The following SEMA3A variants were observed in gnomAD, a reference collection of about 807,000 sequenced individuals.
The protein encoded by SEMA3A is semaphorin-3A.
In SEMA3A, 29 loss-of-function variants were observed where a neutral mutation model predicts 97.9. That is an observed-to-expected ratio of 0.30 (90% CI 0.22 to 0.40). The LOEUF is 0.40. Ranked by LOEUF, SEMA3A falls within the 10% of genes least tolerant of loss-of-function variation. The probability of loss-of-function intolerance (pLI) is 1.00; values close to 1 mark genes in which losing one functional copy is unlikely to be tolerated. For synonymous variants in SEMA3A, 321 were observed against 323.7 expected (o/e 0.99, Z 0.09); for missense variants, 763 against 951.3 (o/e 0.80, Z 2.60).
In SEMA3A at chr7:84,100,278, C is replaced by T. The variant is rs187131630; in HGVS notation, c.453+10192G>A. Among the ~76,000 whole-genome samples, 30 of 152,220 alleles carry T rather than the reference C, an allele frequency of 2.0e-4. No individual in the cohort carries two copies. The South Asian group carries it at 3.7e-3, about 19-fold the overall frequency. ...TAAATCCAGGAGAAAAAAATCACTC[C>T]GACATAGTCCTCTAAACCAGAACTA... On this transcript the variant is annotated intron_variant, in intron 4 of 16. Coordinates refer to ENST00000265362, the MANE Select transcript of SEMA3A (RefSeq NM_006080.3).
chr7:84,391,945 G>A (rs1045844743), intron 1 of SEMA3A, among the ~76,000 whole-genome samples: 18 of 139,416 alleles, frequency 1.3e-4, no homozygotes, highest in Non-Finnish European at 6.3e-5. Flanking sequence ...GAGAAACAGA[G>A]TGAGACCCTG....
At chr7:84,477,935 A>G (rs149895187) in intron 1 of SEMA3A, among the ~76,000 whole-genome samples, 16 of 152,300 alleles carry the variant, frequency 1.1e-4, no homozygotes, top group African/African-American at 3.4e-4. Context: ...TCTTTTGCCA[A>G]GTCACCCTCA....
chr7:84,442,134 T>C (rs1052971612), intron 1 of SEMA3A, among the ~76,000 whole-genome samples: 2 of 152,192 alleles, frequency 1.3e-5, no homozygotes, highest in East Asian at 1.9e-4. Flanking sequence ...AACTCCACTT[T>C]TAGTTTTTGA....
chr7:84,098,184 A>C (rs2115884907), intron 4 of SEMA3A, among the ~76,000 whole-genome samples: 1 of 152,210 alleles, frequency 6.6e-6, no homozygotes, highest in African/African-American at 2.4e-5. Flanking sequence ...TTAAAATATT[A>C]CATGATCATA....
At chr7:84,122,643 T>G (rs967953483) in intron 3 of SEMA3A, among the ~76,000 whole-genome samples, 5 of 152,176 alleles carry the variant, frequency 3.3e-5, no homozygotes, top group African/African-American at 1.2e-4. Flanking sequence ...AAATAAAATT[T>G]AAAAAATTGA....
chr7:84,185,299 TG>T (rs1241614961), intron 1 of SEMA3A, among the ~76,000 whole-genome samples: 1 of 152,074 alleles, frequency 6.6e-6, no homozygotes, highest in Non-Finnish European at 1.5e-5. Flanking sequence ...CCTACAACGT[TG>T]TCTAATATAT....
At chr7:84,312,916 A>G (rs1584229665) in intron 2 of SEMA3A, among the ~76,000 whole-genome samples, 1 of 47,148 alleles carries the variant, frequency 2.1e-5, no homozygotes, top group African/African-American at 5.4e-5. Flanking sequence ...ATATATATAT[A>G]TATATACACA....
At chr7:84,062,444 G>T (rs2691701) in intron 4 of SEMA3A, among the ~76,000 whole-genome samples, 1 of 152,100 alleles carries the variant, frequency 6.6e-6, no homozygotes, top group Non-Finnish European at 1.5e-5. Context: ...GAACAGCTCC[G>T]GTCTACGGCT....
intron 1 of SEMA3A, among the ~76,000 whole-genome samples, chr7:84,422,789 G>A (rs1486423396): frequency 1.3e-5 from 2 of 152,030 alleles, no homozygotes; most frequent in Admixed American, 6.6e-5. Context: ...AGTCATTCAG[G>A]AGCAGGTTGT....
chr7:84,309,165 C>A (rs1173088269), intron 2 of SEMA3A, among the ~76,000 whole-genome samples: 1 of 151,922 alleles, frequency 6.6e-6, no homozygotes, highest in Non-Finnish European at 1.5e-5. Context: ...AGTCATCAGG[C>A]TTCATTTGGG....
In SEMA3A at chr7:84,005,595, A is replaced by G. The variant is rs1181289243; in HGVS notation, c.1141-37T>C. 6 of 1,336,562 alleles carry G rather than the reference A, an allele frequency of 4.5e-6. No homozygotes were observed. In the African/African-American group the frequency reaches 7.4e-5, roughly 16 times the overall value. The allele number at this position is 1,336,562 out of a possible 1,614,324, so 82.8% of individuals were successfully genotyped here. On this transcript the variant is annotated intron_variant, in intron 10 of 16. Coordinates refer to ENST00000265362, the MANE Select transcript of SEMA3A (RefSeq NM_006080.3). The stretch of plus-strand genomic sequence containing the variant: ...AAGAGAAAATTATCTTTTGATTAAA[A>G]TCTAATAAACATAATTATAAATTAT...
chr7:84,199,905 T>C (rs1798314038), upstream of SEMA3A, among the ~76,000 whole-genome samples: 1 of 152,118 alleles, frequency 6.6e-6, no homozygotes, highest in Non-Finnish European at 1.5e-5. Flanking sequence ...AAAAGCAATG[T>C]TTAAGAAATT....
At chr7:84,005,279 A>G (rs1385990255) in intron 11 of SEMA3A, 60 bp downstream of exon 11, 5 of 1,225,568 alleles carry the variant, frequency 4.1e-6, no homozygotes, top group Non-Finnish European at 6.0e-6. Flanking sequence ...TCAAAGATCA[A>G]CTTAATCAGT....
At chr7:84,098,073 T>C (rs1185248609) in intron 4 of SEMA3A, among the ~76,000 whole-genome samples, 1 of 152,020 alleles carries the variant, frequency 6.6e-6, no homozygotes. Flanking sequence ...GACCATCTTC[T>C]GATATTTAAT....
intron 1 of SEMA3A, among the ~76,000 whole-genome samples, chr7:84,466,740 AG>A (rs1806009446): frequency 6.6e-6 from 1 of 152,178 alleles, no homozygotes; most frequent in Non-Finnish European, 1.5e-5. Flanking sequence ...ACTTGGAAGA[AG>A]CTAGAAGTCG....
intron 15 of SEMA3A, among the ~76,000 whole-genome samples, chr7:83,972,112 A>C (rs942490578): frequency 6.6e-6 from 1 of 152,020 alleles, no homozygotes; most frequent in Non-Finnish European, 1.5e-5. Flanking sequence ...TATATATACA[A>C]ATGGTTAAAC....
intron 3 of SEMA3A, among the ~76,000 whole-genome samples, chr7:84,255,476 T>C (rs1799697531): frequency 1.3e-5 from 2 of 152,108 alleles, no homozygotes; most frequent in African/African-American, 2.4e-5. Flanking sequence ...CAACTGGAAA[T>C]GGACAGGAAC....
intron 1 of SEMA3A, among the ~76,000 whole-genome samples, chr7:84,468,248 GT>G (rs1292760966): frequency 1.3e-5 from 2 of 152,104 alleles, no homozygotes; most frequent in Non-Finnish European, 2.9e-5. Flanking sequence ...AGTTTTCATT[GT>G]GCAAAATCAT....
At chr7:84,309,103 C>G (rs1277129565) in intron 2 of SEMA3A, among the ~76,000 whole-genome samples, 1 of 152,182 alleles carries the variant, frequency 6.6e-6, no homozygotes, top group Non-Finnish European at 1.5e-5. Flanking sequence ...CAGGCGTGAG[C>G]TACCACGCCC....
Sources: gnomAD v4.1 joint callset for allele counts (sites outside exome capture counted in the v4.1 genomes callset) on GRCh38, gnomAD v4.1.1 for gene constraint, MANE v1.5 for transcripts, NCBI Gene and HGNC (gene_info 2026-07-23, HGNC 2026-07-21) for gene names.